NPHP4: variants seen among roughly 807,000 people sequenced by gnomAD.
NPHP4 encodes nephrocystin 4.
Under a neutral mutation model 155.8 loss-of-function variants are expected in NPHP4, and 151 were observed. The observed-to-expected ratio is 0.97, with a 90% confidence interval of 0.85 to 1.11. The LOEUF is 1.11. Ranked by LOEUF, NPHP4 falls within the 50% of genes least tolerant of loss-of-function variation. NPHP4 has a pLI of 0.00. For synonymous variants in NPHP4, 845 were observed against 816.8 expected (o/e 1.03, Z -0.59); for missense variants, 1,956 against 1,925.7 (o/e 1.02, Z -0.29).
intron 3 of NPHP4, among the ~76,000 whole-genome samples, chr1:5,973,881 G>T (rs1370810649): frequency 6.6e-6 from 1 of 152,216 alleles, no homozygotes; most frequent in African/African-American, 2.4e-5. Flanking sequence ...GAGCCATAGA[G>T]CCTCCCTCTG....
intron 18 of NPHP4, chr1:5,886,799 T>G (rs1643846226): frequency 6.5e-6 from 1 of 154,560 alleles, no homozygotes; most frequent in African/African-American, 2.4e-5. Context: ...TGGAGTGAAG[T>G]CCAGGGCTTT....
intron 9 of NPHP4, among the ~76,000 whole-genome samples, chr1:5,938,719 C>T (rs1274005605): frequency 6.6e-6 from 1 of 152,218 alleles, no homozygotes; most frequent in Non-Finnish European, 1.5e-5. Flanking sequence ...CATAAACGTG[C>T]TCTTTGAGGC....
chr1:5,950,571 G>A (rs1345395426), intron 7 of NPHP4, among the ~76,000 whole-genome samples: 1 of 152,192 alleles, frequency 6.6e-6, no homozygotes. Flanking sequence ...GCCAGTGGGA[G>A]AGTAACAAAT....
chr1:5,887,324 A>T lies in NPHP4; in HGVS notation c.2447T>A (p.Val816Glu), dbSNP rs1217129334. The T allele has an allele frequency of 3.7e-6, 6 of 1,613,534 alleles. No homozygotes were observed. The highest frequency in any genetic ancestry group is 5.1e-6 in the Non-Finnish European group (6 of 1,179,864). Residue 816 changes from valine to glutamate, a missense_variant, in exon 18 of 30, where the codon GTG (valine) becomes GAG (glutamate). Physicochemically the swap from Val to Glu is moderately radical, Grantham distance 121. Coordinates refer to ENST00000378156, the MANE Select transcript of NPHP4 (RefSeq NM_015102.5). ...AGTCAGGTGCAGCCGGCCCTTCACC[A>T]CCGAGTGGACGCCGATGGGCTTGAC... ...GRVKPIGVHS[V>E]VKGRLHLTLA...
chr1:5,933,925 C>A (rs1349160563), intron 9 of NPHP4, among the ~76,000 whole-genome samples: 1 of 152,300 alleles, frequency 6.6e-6, no homozygotes, highest in Non-Finnish European at 1.5e-5. Context: ...CTTCTTTCTG[C>A]TTCTCTCTGG....
intron 3 of NPHP4, among the ~76,000 whole-genome samples, chr1:5,972,360 C>T (rs1260833146): frequency 1.9e-4 from 2 of 10,754 alleles, no homozygotes; most frequent in African/African-American, 1.2e-3. Context: ...TCGGGGGAGC[C>T]CAGATTTCCA....
At chr1:5,920,712 T>C (rs1048431883) in intron 11 of NPHP4, among the ~76,000 whole-genome samples, 1 of 152,244 alleles carries the variant, frequency 6.6e-6, no homozygotes, top group African/African-American at 2.4e-5. Context: ...GGAGGAGGTC[T>C]TTCTGTAATC....
intron 8 of NPHP4, among the ~76,000 whole-genome samples, chr1:5,947,787 G>A (rs970869599): frequency 1.3e-5 from 2 of 152,186 alleles, no homozygotes; most frequent in African/African-American, 2.4e-5. Flanking sequence ...ACGCCTAGAA[G>A]GCAGCATGCA....
chr1:5,944,856 G>C lies in NPHP4; in HGVS notation c.1119+2248C>G, dbSNP rs1227290447. Among the ~76,000 whole-genome samples the C allele has an allele frequency of 6.6e-6, 1 of 152,162 alleles. No individual in the cohort carries two copies. The highest frequency in any genetic ancestry group is 3.2e-3 in the Middle Eastern group (1 of 316). On this transcript the variant is annotated intron_variant, in intron 9 of 29. Transcript: ENST00000378156. This position sits in a 1 kb window ranked among gnomAD's most constrained non-coding sequence, Gnocchi z 4.3. ...ATGGTGGCCCGTGCCTATAGTCCCA[G>C]CTACTCAGGAGACTGAGGCAGGAGA...
chr1:5,973,971 A>T (rs1169858000), intron 3 of NPHP4, among the ~76,000 whole-genome samples: 1 of 152,212 alleles, frequency 6.6e-6, no homozygotes, highest in Non-Finnish European at 1.5e-5. Flanking sequence ...CCCTCTGCCG[A>T]GCAACAGCAA....
intron 11 of NPHP4, among the ~76,000 whole-genome samples, chr1:5,923,603 G>A (rs1376701678): frequency 2.6e-5 from 4 of 152,192 alleles, no homozygotes; most frequent in African/African-American, 9.7e-5. Context: ...CAGACATAGC[G>A]CTGTTCCCTC....
rs372485648 is a variant in NPHP4, at chr1:5,863,030, C to A, written c.*235G>T. Reference sequence around the variant, plus strand: ...AGCACCAGAGCCAGACCCACCACCACGGAGTTCGCGCTCACGGAACCCAGG... The same window carrying A: ...AGCACCAGAGCCAGACCCACCACCAAGGAGTTCGCGCTCACGGAACCCAGG... On this transcript the variant is annotated 3_prime_UTR_variant, in exon 30 of 30. Coordinates refer to ENST00000378156, the MANE Select transcript of NPHP4 (RefSeq NM_015102.5). 3 of 569,660 alleles carry A rather than the reference C, an allele frequency of 5.3e-6. No homozygotes were observed. Among genetic ancestry groups the A allele is most frequent in the African/African-American group, 3.7e-5 (2 of 53,492 alleles). 35.3% of individuals were successfully genotyped at this position (569,660 alleles called of 1,614,324 possible).
intron 19 of NPHP4, chr1:5,877,527 C>T (rs756164295): frequency 3.3e-5 from 13 of 390,852 alleles, no homozygotes; most frequent in Non-Finnish European, 5.3e-5. Context: ...AAATTAAAAG[C>T]AATTCTGACT....
intron 29 of NPHP4, 32 bp from the exon 30 acceptor site, chr1:5,863,437 C>A (rs112561195): frequency 1.9e-6 from 3 of 1,608,172 alleles, no homozygotes; most frequent in African/African-American, 2.7e-5. Context: ...CCAGCATCCA[C>A]CCCCGGGCTG....
In NPHP4 at chr1:5,936,098, A is replaced by G. The variant is rs538942118; in HGVS notation, c.1120-2769T>C. Among the ~76,000 whole-genome samples, 5 of 152,298 alleles carry G rather than the reference A, an allele frequency of 3.3e-5. No homozygotes were observed. In the East Asian group the frequency reaches 7.7e-4, roughly 23 times the overall value. On this transcript the variant is annotated intron_variant, in intron 9 of 29. Coordinates refer to ENST00000378156, the MANE Select transcript of NPHP4 (RefSeq NM_015102.5). ...GGGGATTCCAATATCTAATTTTCCAATTTCACAGTTCTTTTTGGTTCTCCA... is the reference window on the plus strand; with the variant it reads ...GGGGATTCCAATATCTAATTTTCCAGTTTCACAGTTCTTTTTGGTTCTCCA...
intron 1 of NPHP4, among the ~76,000 whole-genome samples, chr1:5,991,233 G>A (rs1300378880): frequency 6.6e-6 from 1 of 152,062 alleles, no homozygotes; most frequent in Admixed American, 6.6e-5. Flanking sequence ...CACCTACCCT[G>A]CGCCCGGGAG....
At chr1:5,920,474 G>A (rs1645687585) in intron 11 of NPHP4, among the ~76,000 whole-genome samples, 1 of 152,144 alleles carries the variant, frequency 6.6e-6, no homozygotes, top group South Asian at 2.1e-4. Context: ...AGTAGTTGAA[G>A]GGGTACGTAC....
intron 19 of NPHP4, 113 bp downstream of exon 19, chr1:5,880,001 G>T: frequency 1.6e-6 from 2 of 1,268,492 alleles, no homozygotes. Flanking sequence ...ACCACGAATG[G>T]TGCACACACA....
chr1:5,873,180 A>G, intron 23 of NPHP4, 72 bp downstream of exon 23: 4 of 1,324,586 alleles, frequency 3.0e-6, no homozygotes, highest in Non-Finnish European at 4.3e-6. Context: ...AGGGGAGAGA[A>G]GGACACAAGG....
Sources: gnomAD v4.1 joint callset for allele counts (sites outside exome capture counted in the v4.1 genomes callset) on GRCh38, gnomAD v4.1.1 for gene constraint, Gnocchi (gnomAD v3.1) non-coding constraint, MANE v1.5 for transcripts, NCBI Gene and HGNC (gene_info 2026-07-23, HGNC 2026-07-21) for gene names.